The following QTRT2 variants were observed in gnomAD, a reference collection of about 807,000 sequenced individuals.
QTRT2 encodes the protein queuine tRNA-ribosyltransferase domain containing 1.
A neutral mutation model predicts 44.8 loss-of-function variants in QTRT2; 32 were observed. The observed-to-expected ratio is 0.71, with a 90% CI of 0.54 to 0.96. The LOEUF is 0.96. QTRT2 is among the 40% of genes least tolerant of loss of function. QTRT2 has a pLI of 0.00. For missense variants in QTRT2, 461 were observed against 503.1 expected (o/e 0.92, Z 0.80); for synonymous variants, 182 against 187.4 (o/e 0.97, Z 0.24).
At chr3:114,080,395 T>A (rs2077152075) in intron 8 of QTRT2, among the ~76,000 whole-genome samples, 1 of 152,242 alleles carries the variant, frequency 6.6e-6, no homozygotes, top group African/African-American at 2.4e-5. Flanking sequence ...TTAACTTGTT[T>A]TCTCACAAAA....
intron 8 of QTRT2, among the ~76,000 whole-genome samples, chr3:114,080,569 T>G (rs979957505): frequency 1.3e-5 from 2 of 152,334 alleles, no homozygotes; most frequent in African/African-American, 4.8e-5. Flanking sequence ...TTTTCTTTTA[T>G]TATTTAGTTA....
At chr3:114,060,739 T>C (rs940362564) in intron 2 of QTRT2, among the ~76,000 whole-genome samples, 1 of 152,210 alleles carries the variant, frequency 6.6e-6, no homozygotes, top group African/African-American at 2.4e-5. Flanking sequence ...CTTTAACCTT[T>C]TCTCATAAGG....
rs2077232056 is a variant in QTRT2, at chr3:114,085,969, C to G, written c.*65C>G. ...GTACCACTGTTGTAACATGGGAAGACGTGAAGAAGAAATAATCTGAGCTTT... is the reference window on the plus strand; with the variant it reads ...GTACCACTGTTGTAACATGGGAAGAGGTGAAGAAGAAATAATCTGAGCTTT... On this transcript the variant is annotated 3_prime_UTR_variant, in exon 10 of 10. Transcript: ENST00000281273. 8.3e-7 allele frequency: 1 copy of G among 1,203,034 alleles called. No homozygotes were observed. The highest frequency in any genetic ancestry group is 1.5e-5 in the African/African-American group (1 of 66,264). The allele number at this position is 1,203,034 out of a possible 1,614,324, so 74.5% of individuals were successfully genotyped here.
chr3:114,065,144 A>T, intron 2 of QTRT2, 93 bp from the exon 3 acceptor site: 1 of 787,498 alleles, frequency 1.3e-6, no homozygotes, highest in Non-Finnish European at 2.1e-6. Context: ...GCATGCTATC[A>T]TTCATTTTCC....
chr3:114,057,180 T>C (rs1177949789), intron 2 of QTRT2, 74 bp downstream of exon 2: 4 of 740,502 alleles, frequency 5.4e-6, no homozygotes, highest in Non-Finnish European at 5.4e-6. Context: ...CTGAGCCAGG[T>C]GCCTAGGGAG....
At position 114,079,947 on chromosome 3, in the gene QTRT2, G is replaced by T. The variant is rs199827335; in HGVS notation, c.788G>T (p.Cys263Phe). Residue 263 changes from cysteine (C) to phenylalanine (F), a missense_variant, in exon 8 of 10, where the codon TGT becomes TTT. Coordinates refer to ENST00000281273, the MANE Select transcript of QTRT2 (RefSeq NM_024638.4). ...GVSRPDEVLE[C>F]IERGVDLFES... Reference sequence around the variant, plus strand: ...AGTCGGCCAGATGAGGTGCTCGAGTGTATTGAAAGAGGAGTGGACTTATTT... The same window carrying T: ...AGTCGGCCAGATGAGGTGCTCGAGTTTATTGAAAGAGGAGTGGACTTATTT... The T allele has an allele frequency of 6.2e-5, 100 of 1,613,796 alleles. No homozygotes were observed. The highest frequency in any genetic ancestry group is 8.1e-5 in the Non-Finnish European group (95 of 1,179,866).
chr3:114,065,760 A>G (rs1240650608), intron 3 of QTRT2, among the ~76,000 whole-genome samples: 1 of 152,218 alleles, frequency 6.6e-6, no homozygotes. Context: ...TTTGGAGTTC[A>G]GGAGCTGTTA....
intron 7 of QTRT2, chr3:114,078,329 T>G (rs2077119969): frequency 6.6e-6 from 1 of 152,208 alleles, no homozygotes; most frequent in South Asian, 2.1e-4. Context: ...TGTGTAGAAA[T>G]GCCAGCTTCA....
chr3:114,069,076 A>G (rs978822556), intron 5 of QTRT2, among the ~76,000 whole-genome samples: 10 of 151,874 alleles, frequency 6.6e-5, no homozygotes, highest in Admixed American at 1.3e-4. Context: ...AAATACTTTG[A>G]CTTCCATTTT....
intron 8 of QTRT2, among the ~76,000 whole-genome samples, chr3:114,080,747 T>C (rs537313788): frequency 6.6e-6 from 1 of 152,320 alleles, no homozygotes; most frequent in East Asian, 1.9e-4. Context: ...TTCCTTTTCC[T>C]GCTGTCCTTG....
At chr3:114,083,106 C>G in intron 9 of QTRT2, 1 of 296,962 alleles carries the variant, frequency 3.4e-6, no homozygotes, top group Non-Finnish European at 6.5e-6. Context: ...GATAAAACAA[C>G]AAAGTTTTAA....
Position 114,056,996 on chromosome 3 carries a change from C to T in QTRT2, c.-129-3C>T, listed in dbSNP as rs2076801925. ...GCCATGTCTCCTCTGCTTCCCTTTT[C>T]AGGGTGTCCTGGTGGATTGGTTTCT... On this transcript the variant is annotated splice_region_variant and splice_polypyrimidine_tract_variant and intron_variant, in intron 1 of 9. Transcript: ENST00000281273. 1.4e-6 allele frequency: 2 copies of T among 1,441,620 alleles called. No individual in the cohort carries two copies. Among genetic ancestry groups the T allele is most frequent in the South Asian group, 2.9e-5 (2 of 69,234 alleles). 89.3% of individuals were successfully genotyped at this position (1,441,620 alleles called of 1,614,324 possible).
At chr3:114,082,849 G>T in intron 9 of QTRT2, 55 bp downstream of exon 9, 1 of 804,456 alleles carries the variant, frequency 1.2e-6, no homozygotes, top group South Asian at 1.6e-5. Flanking sequence ...ATTTTAGTCT[G>T]TGTTAAAAGT....
chr3:114,062,839 A>T (rs2076905556), intron 2 of QTRT2, among the ~76,000 whole-genome samples: 1 of 152,236 alleles, frequency 6.6e-6, no homozygotes, highest in African/African-American at 2.4e-5. Flanking sequence ...TTACCCAATG[A>T]AGGTTCTTCG....
intron 7 of QTRT2, 22 bp from the exon 8 acceptor site, chr3:114,079,883 TG>T (rs768391850): frequency 6.2e-7 from 1 of 1,610,312 alleles, no homozygotes; most frequent in Admixed American, 1.7e-5. Flanking sequence ...CTCATGTCAC[TG>T]TTCTTATTCT....
At chr3:114,084,077 G>T (rs868406556) in intron 9 of QTRT2, among the ~76,000 whole-genome samples, 11,026 of 106,442 alleles carry the variant, frequency 0.1, 437 homozygotes, top group Middle Eastern at 0.14. Context: ...TTTTTTTTTT[G>T]TGGGGGGCAG....
chr3:114,081,792 A>G (rs571362479), intron 8 of QTRT2, among the ~76,000 whole-genome samples: 7 of 152,328 alleles, frequency 4.6e-5, no homozygotes, highest in African/African-American at 1.2e-4. Flanking sequence ...GAACAAAATT[A>G]TAACAGCTCT....
Position 114,082,756 on chromosome 3 carries a change from A to T in QTRT2, c.978A>T (p.Gln326His). Residue 326 changes from glutamine (Q) to histidine (H), a missense_variant, in exon 9 of 10, where the codon CAA becomes CAT. Physicochemically the swap from Gln to His is conservative, Grantham distance 24. Transcript: ENST00000281273. ...AAATTGAAACAACTGGTTGCAACCA[A>T]GAAATAACATCATTTGAAATTAATC... ...IKKIETTGCN[Q>H]EITSFEINLK... 6.6e-7 allele frequency: 1 copy of T among 1,505,326 alleles called. No homozygotes were observed. Among genetic ancestry groups the T allele is most frequent in the Non-Finnish European group, 9.1e-7 (1 of 1,099,260 alleles). 93.2% of individuals were successfully genotyped at this position (1,505,326 alleles called of 1,614,324 possible).
At chr3:114,082,866 G>A (rs1185162883) in intron 9 of QTRT2, 72 bp downstream of exon 9, 15 of 705,090 alleles carry the variant, frequency 2.1e-5, no homozygotes, top group South Asian at 2.0e-4. Context: ...AAGTTTATGG[G>A]ACAATTCTCA....
Sources: allele counts gnomAD v4.1 joint callset (sites outside exome capture counted in the v4.1 genomes callset), GRCh38; gene constraint gnomAD v4.1.1; transcripts MANE v1.5; gene names NCBI Gene and HGNC (gene_info 2026-07-23, HGNC 2026-07-21).